CCDC112: variants seen among roughly 807,000 people sequenced by gnomAD.
The protein encoded by CCDC112 is coiled-coil domain-containing protein 112.
Under a neutral mutation model 66.3 loss-of-function variants are expected in CCDC112, and 40 were observed. The ratio of observed to expected loss-of-function variants is 0.60; its 90% confidence interval spans 0.47 to 0.79. The LOEUF (loss-of-function observed/expected upper bound fraction) is 0.79, where lower values mean the gene tolerates loss of function less well. Ranked by LOEUF, CCDC112 falls within the 30% of genes least tolerant of loss-of-function variation. The pLI, the probability that CCDC112 is intolerant of heterozygous loss-of-function variation, is 0.00. For synonymous variants in CCDC112, 214 were observed against 197.2 expected (o/e 1.09, Z -0.71); for missense variants, 659 against 603.8 (o/e 1.09, Z -0.96).
Position 115,279,774 on chromosome 5 carries a change from G to A in CCDC112, c.240-6C>T. 7.1e-7 allele frequency: 1 copy of A among 1,412,804 alleles called. No homozygotes were observed. Among genetic ancestry groups the A allele is most frequent in the South Asian group, 1.2e-5 (1 of 84,990 alleles). 87.5% of individuals were successfully genotyped at this position (1,412,804 alleles called of 1,614,324 possible). On this transcript the variant is annotated splice_polypyrimidine_tract_variant and splice_region_variant and intron_variant, in intron 2 of 9. Transcript: ENST00000379611. Reference sequence around the variant, plus strand: ...CTTTTTCCATGTTAATTACTCTTTAGGAAAAGAAACAAATAGTATAAATAT... The same window carrying A: ...CTTTTTCCATGTTAATTACTCTTTAAGAAAAGAAACAAATAGTATAAATAT...
rs748299799 is a variant in CCDC112 at position 115,284,767 on chromosome 5, G to A, written c.239+20C>T. ...AAAATGGCTAGTAATGTTATTTGAA[G>A]ATTATATTCTTATACTTACTGATTT... On this transcript the variant is annotated intron_variant, in intron 2 of 9. Coordinates refer to ENST00000379611, the MANE Select transcript of CCDC112 (RefSeq NM_001040440.3). 1.9e-6 allele frequency: 3 copies of A among 1,566,538 alleles called. No homozygotes were observed. The South Asian group carries it at 3.4e-5, about 18-fold the overall frequency.
chr5:115,288,173 G>A (rs764224637), intron 1 of CCDC112, among the ~76,000 whole-genome samples: 1 of 152,084 alleles, frequency 6.6e-6, no homozygotes, highest in Non-Finnish European at 1.5e-5. Context: ...TAGACACAGG[G>A]TTTTGCCATG....
At chr5:115,277,231 C>T (rs551683444) in intron 3 of CCDC112, 177 bp from the exon 4 acceptor site, 230 of 476,440 alleles carry the variant, frequency 4.8e-4, no homozygotes, top group Non-Finnish European at 7.1e-4. Context: ...AATAAAGCAT[C>T]CTTCAATATC....
intron 9 of CCDC112, among the ~76,000 whole-genome samples, chr5:115,268,207 G>T (rs1031867792): frequency 4.6e-5 from 7 of 152,086 alleles, no homozygotes; most frequent in African/African-American, 1.7e-4. Flanking sequence ...ATATTAATGT[G>T]AAAAAGGCAG....
intron 1 of CCDC112, among the ~76,000 whole-genome samples, chr5:115,295,456 T>C (rs1166102640): frequency 6.6e-6 from 1 of 152,168 alleles, no homozygotes; most frequent in Non-Finnish European, 1.5e-5. Flanking sequence ...ATAGAGGATG[T>C]GTGAGAAAAT....
At position 115,271,365 on chromosome 5, in the gene CCDC112, GGC is replaced by G. The variant is rs1748987829; in HGVS notation, c.1178_1179del (p.Arg393ProfsTer3). 6.2e-7 allele frequency: 1 copy of G among 1,611,374 alleles called. No homozygotes were observed. ...TCTAGTAGTAATTTTAACTTAAACT[GGC>G]GCTGGCGTTCTTTCTGATGTTTTTT... ...KEKKHQKERQ[R>X]QFKLKLLLES... On this transcript the variant is annotated frameshift_variant, in exon 7 of 10. Transcript: ENST00000379611. LOFTEE classifies it high-confidence loss of function.
At chr5:115,273,122 A>C (rs1307912130) in intron 6 of CCDC112, among the ~76,000 whole-genome samples, 2 of 152,142 alleles carry the variant, frequency 1.3e-5, no homozygotes, top group Non-Finnish European at 2.9e-5. Flanking sequence ...CATCATATAA[A>C]AGGTGTTAAG....
At chr5:115,278,521 A>C (rs1365264653) in intron 3 of CCDC112, among the ~76,000 whole-genome samples, 1 of 152,152 alleles carries the variant, frequency 6.6e-6, no homozygotes, top group Non-Finnish European at 1.5e-5. Flanking sequence ...ACAAAGTGAA[A>C]TAGATTGGTA....
At chr5:115,294,522 G>A (rs1197314386) in intron 1 of CCDC112, among the ~76,000 whole-genome samples, 1 of 152,222 alleles carries the variant, frequency 6.6e-6, no homozygotes, top group Non-Finnish European at 1.5e-5. Context: ...TTCTAGAACT[G>A]TGAGAAAATA....
Position 115,284,125 on chromosome 5 carries a change from A to G in CCDC112, c.239+662T>C, listed in dbSNP as rs111418091. 5.8e-3 allele frequency among the ~76,000 whole-genome samples: 878 copies of G among 152,160 alleles called. 1 individual carries two copies. The highest frequency in any genetic ancestry group is 0.01 in the Non-Finnish European group (689 of 67,928). Reference sequence around the variant, plus strand: ...CACTCAAAAAAAAAAAAGTAAGAGCACAGACTTTTCATTAAATTGATTCAC... The same window carrying G: ...CACTCAAAAAAAAAAAAGTAAGAGCGCAGACTTTTCATTAAATTGATTCAC... On this transcript the variant is annotated intron_variant, in intron 2 of 9. Transcript: ENST00000379611.
chr5:115,275,651 T>A, intron 5 of CCDC112, 45 bp from the exon 6 acceptor site: 1 of 1,365,280 alleles, frequency 7.3e-7, no homozygotes, highest in Non-Finnish European at 9.9e-7. Flanking sequence ...CAATCCATAT[T>A]AACCCTTAAT....
intron 9 of CCDC112, 21 bp from the exon 10 acceptor site, chr5:115,267,939 G>A: frequency 6.3e-7 from 1 of 1,594,766 alleles, no homozygotes; most frequent in South Asian, 1.1e-5. Flanking sequence ...AAAGAGAAAA[G>A]CAATTGTAAA....
At chr5:115,282,199 T>C (rs1749486248) in intron 2 of CCDC112, among the ~76,000 whole-genome samples, 1 of 152,156 alleles carries the variant, frequency 6.6e-6, no homozygotes, top group Admixed American at 6.5e-5. Context: ...CAGGAAAAGA[T>C]CTCCAAGATA....
At chr5:115,270,549 A>G (rs563924554) in intron 7 of CCDC112, among the ~76,000 whole-genome samples, 16 of 152,264 alleles carry the variant, frequency 1.1e-4, no homozygotes, top group South Asian at 4.1e-4. Context: ...AGTTTCTACA[A>G]TGCACTTAAC....
At chr5:115,296,090 T>A (rs1212469531) in intron 1 of CCDC112, 1 of 1,037,406 alleles carries the variant, frequency 9.6e-7, no homozygotes, top group Admixed American at 5.7e-5. Flanking sequence ...TCCCCAGACA[T>A]AACGTTAGTC....
chr5:115,284,178 A>T (rs895771294), intron 2 of CCDC112, among the ~76,000 whole-genome samples: 1 of 152,070 alleles, frequency 6.6e-6, no homozygotes, highest in Admixed American at 6.5e-5. Context: ...TCACACCCAC[A>T]TATTCAAATA....
Position 115,279,735 on chromosome 5 carries a change from A to G in CCDC112, c.273T>C (p.His91=), listed in dbSNP as rs201473088. ...VINMEKDKHS[H]FYNQKSDFRI... is the part of the protein sequence containing the mutation. ...TGAAGTCACTTTTTTGGTTGTAGAAATGACTGTGTTTATCTTTTTCCATGT... is the reference window on the plus strand; with the variant it reads ...TGAAGTCACTTTTTTGGTTGTAGAAGTGACTGTGTTTATCTTTTTCCATGT... The change falls in exon 3 of 10, where the codon CAT becomes CAC. Residue 91 remains histidine (H), a synonymous_variant. Transcript: ENST00000379611. 27 of 1,552,332 alleles carry G rather than the reference A, an allele frequency of 1.7e-5. No homozygotes were observed. In the African/African-American group the frequency reaches 2.8e-4, roughly 16 times the overall value.
Position 115,277,160 on chromosome 5 carries a change from T to C in CCDC112, c.362-106A>G, listed in dbSNP as rs376824867. 1.2e-4 allele frequency: 79 copies of C among 632,398 alleles called. 2 individuals are homozygous for C. Among genetic ancestry groups the C allele is most frequent in the Admixed American group, 5.0e-4 (18 of 35,924 alleles). The allele number at this position is 632,398 out of a possible 1,614,324, so 39.2% of individuals were successfully genotyped here. ...CACTGTTAGTAAAAGCCAAGAGCAA[T>C]TAAATAAAGAACAAAAGATATTTAT... On this transcript the variant is annotated intron_variant, in intron 3 of 9. Coordinates refer to ENST00000379611, the MANE Select transcript of CCDC112 (RefSeq NM_001040440.3).
intron 2 of CCDC112, among the ~76,000 whole-genome samples, chr5:115,283,258 C>G (rs546383120): frequency 2.2e-4 from 34 of 152,114 alleles, no homozygotes; most frequent in Admixed American, 1.1e-3. Context: ...TACCCTTTGA[C>G]CAACATCTCC....
Sources: allele counts gnomAD v4.1 joint callset (sites outside exome capture counted in the v4.1 genomes callset), GRCh38; gene constraint gnomAD v4.1.1; transcripts MANE v1.5; gene names NCBI Gene and HGNC (gene_info 2026-07-23, HGNC 2026-07-21).